The following PCDHAC2 variants were observed in gnomAD, a reference collection of about 807,000 sequenced individuals.
PCDHAC2 encodes protocadherin alpha-C2.
Under a neutral mutation model 63.3 loss-of-function variants are expected in PCDHAC2, and 24 were observed. The observed-to-expected ratio is 0.38, with a 90% CI of 0.27 to 0.53. PCDHAC2 has a LOEUF of 0.53. Ranked by LOEUF, PCDHAC2 falls within the 20% of genes least tolerant of loss-of-function variation. The probability of loss-of-function intolerance (pLI) is 0.81; values close to 1 mark genes in which losing one functional copy is unlikely to be tolerated. For missense variants in PCDHAC2, 1,181 were observed against 1,275.2 expected (o/e 0.93, Z 1.12); for synonymous variants, 569 against 529.4 (o/e 1.07, Z -1.03).
At chr5:140,973,263 A>G (rs1458697392) in intron 1 of PCDHAC2, among the ~76,000 whole-genome samples, 1 of 152,136 alleles carries the variant, frequency 6.6e-6, no homozygotes, top group Admixed American at 6.5e-5. Flanking sequence ...AGTGGCACCT[A>G]CTTTTATTTC....
intron 3 of PCDHAC2, among the ~76,000 whole-genome samples, chr5:141,003,141 AGACTC>A (rs1554258926): frequency 1.3e-5 from 2 of 152,202 alleles, no homozygotes; most frequent in African/African-American, 4.8e-5. Flanking sequence ...GCCTTGGCAA[AGACTC>A]TGACCTGATC....
At chr5:140,990,492 A>G (rs533006418) in intron 3 of PCDHAC2, among the ~76,000 whole-genome samples, 1 of 152,308 alleles carries the variant, frequency 6.6e-6, no homozygotes, top group South Asian at 2.1e-4. Flanking sequence ...TAGTGAGGTG[A>G]CATTCCCCAA....
chr5:141,007,472 G>A (rs2098331789), intron 3 of PCDHAC2, among the ~76,000 whole-genome samples: 1 of 151,844 alleles, frequency 6.6e-6, no homozygotes, highest in Non-Finnish European at 1.5e-5. Context: ...GGAGGCTGAG[G>A]CACGAGAATT....
intron 2 of PCDHAC2, among the ~76,000 whole-genome samples, chr5:140,981,687 ATCATTCAT>A (rs200213847): frequency 3.3e-5 from 5 of 151,972 alleles, no homozygotes; most frequent in South Asian, 2.1e-4. Flanking sequence ...CCTCCCTTCC[ATCATTCAT>A]TCATTCATTC....
intron 3 of PCDHAC2, among the ~76,000 whole-genome samples, chr5:141,000,399 A>ATT (rs2097917152): frequency 1.5e-5 from 1 of 66,842 alleles, no homozygotes; most frequent in Non-Finnish European, 2.7e-5. Context: ...CTCTCTCTAT[A>ATT]TATATATATA....
chr5:140,973,639 T>C (rs1563426866), intron 1 of PCDHAC2, among the ~76,000 whole-genome samples: 2 of 152,362 alleles, frequency 1.3e-5, no homozygotes, highest in East Asian at 3.9e-4. Context: ...GTACACATTC[T>C]GACTGAAGAA....
Position 140,982,346 on chromosome 5 carries a change from G to T in PCDHAC2, c.2625-129G>T, listed in dbSNP as rs1484322650. On this transcript the variant is annotated intron_variant, in intron 2 of 3. Coordinates refer to ENST00000289269, the MANE Select transcript of PCDHAC2 (RefSeq NM_018899.6). ...TGACTGCTCAGCAGTAATTGCTTCA[G>T]TTCAAGCATGAGCAGAATGTGTTAG... 2.7e-6 allele frequency: 4 copies of T among 1,492,344 alleles called. No homozygotes were observed. The Admixed American group carries it at 8.5e-5, about 32-fold the overall frequency. The allele number at this position is 1,492,344 out of a possible 1,614,324, so 92.4% of individuals were successfully genotyped here. A position where few individuals can be genotyped will look rare whatever the true frequency, so the allele number is the denominator to read the frequency against.
intron 1 of PCDHAC2, among the ~76,000 whole-genome samples, chr5:140,970,092 A>C (rs1554232243): frequency 6.6e-6 from 1 of 151,978 alleles, no homozygotes; most frequent in East Asian, 1.9e-4. Context: ...GTGTGGGGGG[A>C]TGGTGAAGAC....
chr5:140,982,499 C>T lies in PCDHAC2; in HGVS notation c.2649C>T (p.Gly883=). The T allele has an allele frequency of 6.2e-7, 1 of 1,614,184 alleles. No individual in the cohort carries two copies. The highest frequency in any genetic ancestry group is 8.5e-7 in the Non-Finnish European group (1 of 1,180,024). The part of the protein sequence containing the change: ...MHSSVHLEEA[G]ILRAGPGGPD... Reference sequence around the variant, plus strand: ...GCTCTGTGCACCTAGAGGAGGCTGGCATTCTACGGGCTGGTCCAGGAGGGC... The same window carrying T: ...GCTCTGTGCACCTAGAGGAGGCTGGTATTCTACGGGCTGGTCCAGGAGGGC... The change falls in exon 3 of 4, where the codon GGC becomes GGT. Residue 883 remains glycine (G), a synonymous_variant. Transcript: ENST00000289269.
At chr5:140,995,592 A>G (rs2097690478) in intron 3 of PCDHAC2, among the ~76,000 whole-genome samples, 1 of 152,212 alleles carries the variant, frequency 6.6e-6, no homozygotes, top group East Asian at 1.9e-4. Context: ...CTTTTAACTT[A>G]GTGTTTTTCT....
chr5:141,010,341 T>G lies in PCDHAC2; in HGVS notation c.*404T>G, dbSNP rs199826290. The stretch of plus-strand genomic sequence containing the variant: ...GAGCAGCTTGGGAGTTTGTGGCCAC[T>G]GGGTATGTGTGGCTACCGCGGGTAT... On this transcript the variant is annotated 3_prime_UTR_variant, in exon 4 of 4. Transcript: ENST00000289269. The G allele has an allele frequency of 4.0e-6, 6 of 1,503,220 alleles. No individual in the cohort carries two copies. Among genetic ancestry groups the G allele is most frequent in the Non-Finnish European group, 4.5e-6 (5 of 1,119,592 alleles). The allele number at this position is 1,503,220 out of a possible 1,614,324, so 93.1% of individuals were successfully genotyped here.
chr5:140,993,203 A>T (rs1563587510), intron 3 of PCDHAC2, among the ~76,000 whole-genome samples: 2 of 152,090 alleles, frequency 1.3e-5, no homozygotes, highest in African/African-American at 4.8e-5. Context: ...ACTAAAGCTA[A>T]TTTTTTTAGC....
chr5:140,982,998 GAAAGAA>G (rs1469608645), intron 3 of PCDHAC2, among the ~76,000 whole-genome samples: 10 of 151,726 alleles, frequency 6.6e-5, no homozygotes, highest in Admixed American at 5.2e-4. Context: ...AAGAAGGAAA[GAAAGAA>G]AAAGGAAGGA....
intron 3 of PCDHAC2, among the ~76,000 whole-genome samples, chr5:141,002,081 G>T (rs1016567220): frequency 3.3e-5 from 5 of 152,220 alleles, no homozygotes; most frequent in South Asian, 2.1e-4. Flanking sequence ...GCCAAAGAAC[G>T]AGCAGTCCAG....
intron 3 of PCDHAC2, among the ~76,000 whole-genome samples, chr5:140,995,409 A>G (rs1056120944): frequency 2.6e-4 from 39 of 152,210 alleles, no homozygotes; most frequent in Admixed American, 6.5e-5. Flanking sequence ...TCGAGATTTC[A>G]TCACATTACT....
At chr5:141,008,341 T>C (rs1307430556) in intron 3 of PCDHAC2, among the ~76,000 whole-genome samples, 2 of 152,132 alleles carry the variant, frequency 1.3e-5, no homozygotes, top group African/African-American at 4.8e-5. Context: ...TGATGGAGCT[T>C]TTCACGTGTC....
chr5:140,992,342 T>C (rs2097506091), intron 3 of PCDHAC2, among the ~76,000 whole-genome samples: 1 of 152,102 alleles, frequency 6.6e-6, no homozygotes. Flanking sequence ...AAGATGGAAA[T>C]GTGGAGAGAG....
chr5:140,982,559 A>G lies in PCDHAC2; in HGVS notation c.2709A>G (p.Thr903=). 1 of 1,614,170 alleles carries G rather than the reference A, an allele frequency of 6.2e-7. No homozygotes were observed. The highest frequency in any genetic ancestry group is 8.5e-7 in the Non-Finnish European group (1 of 1,180,012). Residue 903 remains threonine, a synonymous_variant, in exon 3 of 4, where the codon ACA becomes ACG. Coordinates refer to ENST00000289269, the MANE Select transcript of PCDHAC2 (RefSeq NM_018899.6). The part of the protein sequence containing the change: ...DQQWPTVSSA[T]PEPEAGEVSP... ...AGTGGCCAACAGTATCCAGTGCAAC[A>G]CCAGGTAAAGAGCTGGGGTCTCTCC... is the stretch of plus-strand genomic sequence containing the variant.
intron 2 of PCDHAC2, among the ~76,000 whole-genome samples, chr5:140,982,082 C>G (rs188673632): frequency 6.6e-6 from 1 of 152,276 alleles, no homozygotes; most frequent in Admixed American, 6.5e-5. Flanking sequence ...AGTAGAGAAC[C>G]TAGGAACAAG....
Sources: gnomAD v4.1 joint callset for allele counts (sites outside exome capture counted in the v4.1 genomes callset) on GRCh38, gnomAD v4.1.1 for gene constraint, MANE v1.5 for transcripts, NCBI Gene and HGNC (gene_info 2026-07-23, HGNC 2026-07-21) for gene names.